Variants in CRYL1 observed in about 807,000 individuals in gnomAD.
The protein encoded by CRYL1 is lambda-crystallin homolog.
A neutral mutation model predicts 36.6 loss-of-function variants in CRYL1; 29 were observed. The observed-to-expected ratio is 0.79, with a 90% CI of 0.59 to 1.08. The LOEUF is 1.08. Among genes scored for constraint, CRYL1 ranks in the 50% least tolerant of loss-of-function variants. The pLI is 0.00. For synonymous variants in CRYL1, 152 were observed against 151.5 expected (o/e 1.00, Z -0.02); for missense variants, 411 against 407.9 (o/e 1.01, Z -0.06).
chr13:20,473,643 G>A (rs760849489), intron 3 of CRYL1, among the ~76,000 whole-genome samples: 91 of 152,230 alleles, frequency 6.0e-4, no homozygotes, highest in African/African-American at 1.7e-3. Context: ...TGTGCTTCAC[G>A]AAAGTACAAA....
Position 20,425,926 on chromosome 13 carries a change from A to G in CRYL1, c.633+6176T>C, listed in dbSNP as rs1257963689. On this transcript the variant is annotated intron_variant, in intron 5 of 7. Transcript: ENST00000298248. The surrounding 1 kb of genome is among the most constrained non-coding windows in gnomAD (Gnocchi z 4.4). Reference sequence around the variant, plus strand: ...ACCCAAGCACAGGCATTCAGCTACAATCAGCTATACGGGAGTGCTGTTTCT... The same window carrying G: ...ACCCAAGCACAGGCATTCAGCTACAGTCAGCTATACGGGAGTGCTGTTTCT... Among the ~76,000 whole-genome samples, 2 of 152,132 alleles carry G rather than the reference A, an allele frequency of 1.3e-5. No individual in the cohort carries two copies. The highest frequency in any genetic ancestry group is 4.8e-5 in the African/African-American group (2 of 41,406).
intron 3 of CRYL1, among the ~76,000 whole-genome samples, chr13:20,449,732 G>A (rs938795573): frequency 6.6e-6 from 1 of 152,090 alleles, no homozygotes; most frequent in Non-Finnish European, 1.5e-5. Flanking sequence ...ACTGATAAAT[G>A]ACTTCAATAA....
In CRYL1 at chr13:20,404,249, G is replaced by C; in HGVS notation, c.847-7C>G. The C allele has an allele frequency of 6.4e-7, 1 of 1,559,976 alleles. No homozygotes were observed. The highest frequency in any genetic ancestry group is 8.8e-7 in the Non-Finnish European group (1 of 1,132,692). On this transcript the variant is annotated splice_polypyrimidine_tract_variant and splice_region_variant and intron_variant, in intron 7 of 7. Coordinates refer to ENST00000298248, the MANE Select transcript of CRYL1 (RefSeq NM_015974.3). ...GGACCTTCATGCACATGTCCTGCAA[G>C]AAGGAGAAGGAAAAAAAAGGACAAT...
At chr13:20,412,706 A>G (rs890897651) in intron 6 of CRYL1, among the ~76,000 whole-genome samples, 4 of 152,290 alleles carry the variant, frequency 2.6e-5, no homozygotes, top group Admixed American at 1.3e-4. Flanking sequence ...ACCAGATCAC[A>G]GATAATGGGC....
chr13:20,413,424 T>A (rs2031574557), intron 5 of CRYL1, 37 bp from the exon 6 acceptor site: 15 of 1,350,664 alleles, frequency 1.1e-5, no homozygotes, highest in Non-Finnish European at 1.6e-5. Flanking sequence ...ATGAGTTTTG[T>A]AAAAAGACAA....
intron 1 of CRYL1, among the ~76,000 whole-genome samples, chr13:20,513,935 C>T (rs1354038933): frequency 6.7e-6 from 1 of 148,320 alleles, no homozygotes; most frequent in Non-Finnish European, 1.5e-5. Context: ...AAAAACGCAT[C>T]GATGGGGCAT....
intron 3 of CRYL1, among the ~76,000 whole-genome samples, chr13:20,453,837 T>C (rs776599519): frequency 1.9e-4 from 29 of 152,168 alleles, no homozygotes; most frequent in African/African-American, 2.7e-4. Context: ...GCCAGTCCTA[T>C]AGTCATTAAA....
Position 20,439,666 on chromosome 13 carries a change from G to C in CRYL1, c.365C>G (p.Ser122Cys). 1 of 1,614,014 alleles carries C rather than the reference G, an allele frequency of 6.2e-7. No individual in the cohort carries two copies. The highest frequency in any genetic ancestry group is 8.5e-7 in the Non-Finnish European group (1 of 1,179,954). Residue 122 changes from serine (S) to cysteine (C), a missense_variant, in exon 4 of 8, where the codon TCC becomes TGC. By Grantham distance (112) the Ser-to-Cys change is moderately radical (BLOSUM62 -1). Transcript: ENST00000298248. Reference protein sequence around the residue: ...IIDDRVILSSSTSCLMPSKLF... With the variant: ...IIDDRVILSSCTSCLMPSKLF... ...CTTGGAAGGCATGAGACAAGAAGTG[G>C]AACTGCTTAAGATCACTCGATCATC...
chr13:20,475,926 A>C (rs2033157538), intron 3 of CRYL1, among the ~76,000 whole-genome samples: 1 of 152,222 alleles, frequency 6.6e-6, no homozygotes. Flanking sequence ...AGGCTGTGTA[A>C]GTGTACTCAG....
intron 1 of CRYL1, among the ~76,000 whole-genome samples, chr13:20,520,462 C>G (rs1426015519): frequency 6.6e-6 from 1 of 152,104 alleles, no homozygotes; most frequent in Non-Finnish European, 1.5e-5. Flanking sequence ...AAGGCAGCCC[C>G]CTAATCAAAC....
In CRYL1 at chr13:20,413,303, T is replaced by A; in HGVS notation, c.718A>T (p.Thr240Ser). Residue 240 changes from threonine to serine, a missense_variant, in exon 6 of 8, where the codon ACC (threonine) becomes TCC (serine). Coordinates refer to ENST00000298248, the MANE Select transcript of CRYL1 (RefSeq NM_015974.3). ...MRYAFIGPLE[T>S]MHLNAEGMLS... ...ATACCTTCTGCATTGAGATGCATGG[T>A]TTCCAGGGGTCCAATGAATGCATAC... 6.2e-7 allele frequency: 1 copy of A among 1,612,838 alleles called. No homozygotes were observed. The highest frequency in any genetic ancestry group is 8.5e-7 in the Non-Finnish European group (1 of 1,178,918).
At chr13:20,486,421 C>A (rs1460141554) in intron 3 of CRYL1, among the ~76,000 whole-genome samples, 1 of 151,880 alleles carries the variant, frequency 6.6e-6, no homozygotes, top group East Asian at 1.9e-4. Flanking sequence ...CTCAAAGGGA[C>A]TTCTCATCTC....
At chr13:20,521,570 C>A (rs1185882535) in intron 1 of CRYL1, among the ~76,000 whole-genome samples, 1 of 152,070 alleles carries the variant, frequency 6.6e-6, no homozygotes, top group African/African-American at 2.4e-5. Context: ...AAATGGGAGC[C>A]AGCGATAGAG....
At chr13:20,518,695 A>G (rs1319302685) in intron 1 of CRYL1, among the ~76,000 whole-genome samples, 1 of 152,196 alleles carries the variant, frequency 6.6e-6, no homozygotes, top group African/African-American at 2.4e-5. Flanking sequence ...GATGGAAGTC[A>G]GGAGACCAGC....
intron 6 of CRYL1, among the ~76,000 whole-genome samples, chr13:20,406,571 C>G (rs1026469386): frequency 6.6e-6 from 1 of 152,152 alleles, no homozygotes; most frequent in Non-Finnish European, 1.5e-5. Flanking sequence ...GCACTGGATA[C>G]GTACTGTAGA....
intron 2 of CRYL1, among the ~76,000 whole-genome samples, chr13:20,501,962 G>A (rs754644527): frequency 1.3e-5 from 2 of 152,222 alleles, no homozygotes; most frequent in Non-Finnish European, 2.9e-5. Context: ...CACAGTCCAT[G>A]TGGCACGGTG....
In CRYL1 at chr13:20,525,847, C is replaced by T. The variant is rs2137530583; in HGVS notation, c.-53G>A. On this transcript the variant is annotated 5_prime_UTR_variant, in exon 1 of 8. Transcript: ENST00000298248. This position sits in a 1 kb window ranked among gnomAD's most constrained non-coding sequence, Gnocchi z 4.3. ...GCGCTGGGACCAGGCGCCGGCGGAG[C>T]TGCGAGCTCTGGGCTCCGGGGAGGG... 8.3e-7 allele frequency: 1 copy of T among 1,201,656 alleles called. No homozygotes were observed. Among genetic ancestry groups the T allele is most frequent in the African/African-American group, 1.6e-5 (1 of 63,212 alleles). The allele number at this position is 1,201,656 out of a possible 1,614,324, so 74.4% of individuals were successfully genotyped here.
chr13:20,423,032 TG>T (rs897726905), intron 5 of CRYL1, among the ~76,000 whole-genome samples: 2 of 152,220 alleles, frequency 1.3e-5, no homozygotes, highest in Non-Finnish European at 2.9e-5. Flanking sequence ...CTAAGCATTT[TG>T]GGGGCAGCTA....
intron 2 of CRYL1, among the ~76,000 whole-genome samples, chr13:20,501,803 T>C (rs1565985443): frequency 6.6e-6 from 1 of 152,134 alleles, no homozygotes; most frequent in Non-Finnish European, 1.5e-5. Flanking sequence ...TAGGCCCTGA[T>C]TATGCAGAGG....
Sources: allele counts gnomAD v4.1 joint callset (sites outside exome capture counted in the v4.1 genomes callset), GRCh38; gene constraint gnomAD v4.1.1; non-coding constraint Gnocchi (gnomAD v3.1); transcripts MANE v1.5; gene names NCBI Gene and HGNC (gene_info 2026-07-23, HGNC 2026-07-21).